Variants in FGD5 observed in about 807,000 individuals in gnomAD.
FGD5 encodes FYVE, RhoGEF and PH domain containing 5, also known as FYVE, RhoGEF and PH domain-containing protein 5.
In FGD5, 28 loss-of-function variants were observed where a neutral mutation model predicts 133.4. That is an observed-to-expected ratio of 0.21 (90% CI 0.16 to 0.29). FGD5 has a LOEUF of 0.29. Ranked by LOEUF, FGD5 falls within the 10% of genes least tolerant of loss-of-function variation. The pLI is 1.00. For synonymous variants in FGD5, 810 were observed against 776.5 expected (o/e 1.04, Z -0.72); for missense variants, 1,858 against 1,895.2 (o/e 0.98, Z 0.36).
In FGD5 at chr3:14,821,418, G is replaced by C; in HGVS notation, c.2347G>C (p.Asp783His). The change falls in exon 1 of 20, where the codon GAC (aspartate) becomes CAC (histidine). Residue 783 changes from aspartate to histidine, a missense_variant. Transcript: ENST00000285046. ...TGAGAACATTCCAGCCATGAACTCG[G>C]ACTATGAGAATATCCAGATTCCACC... ...DYENIPAMNSDYENIQIPPRR... is the reference protein window; with the variant it reads ...DYENIPAMNSHYENIQIPPRR... The C allele has an allele frequency of 6.2e-7, 1 of 1,614,018 alleles. No individual in the cohort carries two copies.
chr3:14,817,964 A>T (rs947274238), upstream of FGD5, among the ~76,000 whole-genome samples: 1 of 152,132 alleles, frequency 6.6e-6, no homozygotes, highest in Non-Finnish European at 1.5e-5. Flanking sequence ...AGAGATGCTG[A>T]GCTCAAAAGT....
At chr3:14,903,452 A>G (rs2038281848) in intron 9 of FGD5, among the ~76,000 whole-genome samples, 1 of 150,676 alleles carries the variant, frequency 6.6e-6, no homozygotes, top group South Asian at 2.1e-4. Flanking sequence ...CGCTGCACCC[A>G]CTAACTCGTC....
At chr3:14,827,989 AGTTTGT>A (rs1321214132) in intron 1 of FGD5, among the ~76,000 whole-genome samples, 3 of 152,102 alleles carry the variant, frequency 2.0e-5, no homozygotes, top group Non-Finnish European at 4.4e-5. Flanking sequence ...CATGCCCAGG[AGTTTGT>A]GTTTGGGCCA....
rs552836035 is a variant in FGD5, at chr3:14,830,713, T to A, written c.2525+9117T>A. Among the ~76,000 whole-genome samples, 3 of 152,276 alleles carry A rather than the reference T, an allele frequency of 2.0e-5. No homozygotes were observed. The South Asian group carries it at 6.2e-4, about 32-fold the overall frequency. ...TTGAGTCTGGATTTCCTTGAGGTAT[T>A]TGGGCCTCACTTTCCCCAGCTTTTC... On this transcript the variant is annotated intron_variant, in intron 1 of 19. Transcript: ENST00000285046.
intron 6 of FGD5, 119 bp from the exon 7 acceptor site, chr3:14,898,620 G>C (rs1030232382): frequency 1.3e-6 from 1 of 782,880 alleles, no homozygotes; most frequent in African/African-American, 1.7e-5. Flanking sequence ...GGAGATGAGG[G>C]AGAAGTTCAG....
At chr3:14,921,356 A>G (rs1197092462) in intron 13 of FGD5, 1 of 158,092 alleles carries the variant, frequency 6.3e-6, no homozygotes, top group African/African-American at 2.4e-5. Context: ...AACTTCACCC[A>G]GCTAGCTGGC....
intron 9 of FGD5, among the ~76,000 whole-genome samples, chr3:14,903,622 C>T (rs902786553): frequency 2.6e-5 from 4 of 151,030 alleles, no homozygotes; most frequent in Admixed American, 6.6e-5. Flanking sequence ...TTTGTTCTTG[C>T]GATAGTTTAC....
At chr3:14,853,636 CTTTTTTTTT>C (rs34008934) in intron 1 of FGD5, among the ~76,000 whole-genome samples, 11 of 37,126 alleles carry the variant, frequency 3.0e-4, no homozygotes, top group Admixed American at 1.5e-3. Flanking sequence ...AAAAGCGTTC[CTTTTTTTTT>C]TTTTTTTTTT....
rs1429973376 is a variant in FGD5 at position 14,926,216 on chromosome 3, T to TCTCTCCC, written c.4197+25_4197+31dup. Reference sequence around the variant, plus strand: ...CCAGTGAGGTAGTAGTGATCTGCACTCTCTCCCCTCTCCTCTCTCCTGTGA... The same window carrying TCTCTCCC: ...CCAGTGAGGTAGTAGTGATCTGCACTCTCTCCCCTCTCCCCTCTCCTCTCTCCTGTGA... On this transcript the variant is annotated intron_variant, in intron 18 of 19. Coordinates refer to ENST00000285046, the MANE Select transcript of FGD5 (RefSeq NM_152536.4). 1.2e-6 allele frequency: 2 copies of TCTCTCCC among 1,611,914 alleles called. No individual in the cohort carries two copies. The highest frequency in any genetic ancestry group is 2.2e-5 in the South Asian group (2 of 90,948).
intron 13 of FGD5, among the ~76,000 whole-genome samples, chr3:14,919,501 G>A (rs752577859): frequency 1.3e-5 from 2 of 152,088 alleles, no homozygotes; most frequent in South Asian, 2.1e-4. Context: ...ACCTGTAGTC[G>A]CAGCTACTCG....
chr3:14,869,356 A>G (rs763078063), intron 2 of FGD5, among the ~76,000 whole-genome samples: 1 of 152,156 alleles, frequency 6.6e-6, no homozygotes, highest in Non-Finnish European at 1.5e-5. Context: ...GTCGTGAGGA[A>G]CAGAGCTCCT....
In FGD5 at chr3:14,819,514, A is replaced by T; in HGVS notation, c.443A>T (p.Glu148Val). ...GACCTTGCTCTTGAGGATGAAGGGGAGGGCTGCGCTGATGAGCCAGGGACA... is the reference window on the plus strand; with the variant it reads ...GACCTTGCTCTTGAGGATGAAGGGGTGGGCTGCGCTGATGAGCCAGGGACA... Reference protein sequence around the residue: ...GTDLALEDEGEGCADEPGTLE... With the variant: ...GTDLALEDEGVGCADEPGTLE... The change falls in exon 1 of 20, where the codon GAG becomes GTG. Residue 148 changes from glutamate to valine, a missense_variant. Glu to Val is a moderately radical substitution (Grantham distance 121). This residue lies in a region of FGD5 where 1,824 missense variants were observed against 1,848.9 expected (regional missense o/e 0.99). Coordinates refer to ENST00000285046, the MANE Select transcript of FGD5 (RefSeq NM_152536.4). The surrounding 1 kb of genome is among the most constrained non-coding windows in gnomAD (Gnocchi z 4.1). The T allele has an allele frequency of 6.4e-7, 1 of 1,551,394 alleles. No individual in the cohort carries two copies. The highest frequency in any genetic ancestry group is 8.7e-7 in the Non-Finnish European group (1 of 1,146,960).
intron 2 of FGD5, among the ~76,000 whole-genome samples, chr3:14,873,543 G>C (rs2037651050): frequency 1.3e-5 from 2 of 152,136 alleles, no homozygotes; most frequent in Non-Finnish European, 2.9e-5. Context: ...TAAGTGCGAT[G>C]GGGAGGGCTG....
chr3:14,872,005 G>A (rs543705858), intron 2 of FGD5, among the ~76,000 whole-genome samples: 19 of 152,296 alleles, frequency 1.2e-4, no homozygotes, highest in Middle Eastern at 3.4e-3. Flanking sequence ...CATACTTGCC[G>A]AACCCAGATC....
chr3:14,924,299 C>T (rs918125110), intron 17 of FGD5, among the ~76,000 whole-genome samples, 161 bp downstream of exon 17: 8 of 152,180 alleles, frequency 5.3e-5, no homozygotes, highest in Admixed American at 1.3e-4. Flanking sequence ...ACCGACTTGA[C>T]AGTGATGGTG....
At chr3:14,886,487 C>T (rs1424282650) in intron 4 of FGD5, among the ~76,000 whole-genome samples, 1 of 152,346 alleles carries the variant, frequency 6.6e-6, no homozygotes, top group East Asian at 1.9e-4. Context: ...CCTTTCCACA[C>T]ACACCCCAGT....
chr3:14,915,152 C>T (rs2038527850), intron 11 of FGD5, among the ~76,000 whole-genome samples: 1 of 152,224 alleles, frequency 6.6e-6, no homozygotes. Context: ...CCCCCACCTA[C>T]TCCAACTCTA....
chr3:14,887,980 A>ATTC (rs936015171), intron 4 of FGD5, among the ~76,000 whole-genome samples: 5 of 150,080 alleles, frequency 3.3e-5, no homozygotes, highest in Admixed American at 6.7e-5. Flanking sequence ...AGCCTGGGAA[A>ATTC]CATAGTGAGA....
At chr3:14,840,243 C>G (rs1303132864) in intron 1 of FGD5, among the ~76,000 whole-genome samples, 1 of 151,878 alleles carries the variant, frequency 6.6e-6, no homozygotes, top group Non-Finnish European at 1.5e-5. Context: ...CTCCTGGGTT[C>G]AAGCGAGTCT....
Sources: gnomAD v4.1 joint callset for allele counts (sites outside exome capture counted in the v4.1 genomes callset) on GRCh38, gnomAD v4.1.1 for gene constraint, gnomAD v4.1.1 regional missense constraint, Gnocchi (gnomAD v3.1) non-coding constraint, MANE v1.5 for transcripts, NCBI Gene and HGNC (gene_info 2026-07-23, HGNC 2026-07-21) for gene names.